The following CACNA1D variants were observed in gnomAD, a reference collection of about 807,000 sequenced individuals.
CACNA1D encodes the protein calcium voltage-gated channel subunit alpha1 D.
A neutral mutation model predicts 257.1 loss-of-function variants in CACNA1D; 55 were observed. That is an observed-to-expected ratio of 0.21 (90% confidence interval 0.17 to 0.27). The LOEUF is 0.27. Among genes scored for constraint, CACNA1D ranks in the 10% least tolerant of loss-of-function variants. The pLI, the probability that CACNA1D is intolerant of heterozygous loss-of-function variation, is 1.00. For synonymous variants in CACNA1D, 980 were observed against 1,014.9 expected, an observed-to-expected ratio of 0.97 and a Z score of 0.65; for missense variants, 1,876 against 2,784.0, an observed-to-expected ratio of 0.67 and a Z score of 7.34.
chr3:53,684,067 T>G lies in CACNA1D; in HGVS notation c.1220+10941T>G, dbSNP rs142487687. 2.0e-3 allele frequency among the ~76,000 whole-genome samples: 305 copies of G among 152,082 alleles called. 1 individual carries two copies. Among genetic ancestry groups the G allele is most frequent in the African/African-American group, 7.1e-3 (293 of 41,488 alleles). On this transcript the variant is annotated intron_variant, in intron 8 of 47. Transcript: ENST00000350061. ...GGGCACATTACATACTAGGAGAAAA[T>G]AATAAGAATATGCATTTACTTGTTT... is the stretch of plus-strand genomic sequence containing the variant.
At chr3:53,514,923 G>A (rs1383802164) in intron 3 of CACNA1D, among the ~76,000 whole-genome samples, 1 of 152,192 alleles carries the variant, frequency 6.6e-6, no homozygotes, top group Non-Finnish European at 1.5e-5. Flanking sequence ...AGACTTTAGT[G>A]GTCATAGAGG....
chr3:53,533,185 G>C (rs1441688164), intron 3 of CACNA1D, among the ~76,000 whole-genome samples: 2 of 152,130 alleles, frequency 1.3e-5, no homozygotes, highest in East Asian at 3.8e-4. Context: ...TTTATTGCTT[G>C]ATTATAGTTG....
At chr3:53,536,416 T>TAAC (rs532315198) in intron 3 of CACNA1D, among the ~76,000 whole-genome samples, 130 of 152,328 alleles carry the variant, frequency 8.5e-4, no homozygotes, top group African/African-American at 2.9e-3. Context: ...ACAGCCTTGT[T>TAAC]AACATATGGT....
rs961405395 is a variant in CACNA1D, at chr3:53,722,521, G to A, written c.1666+47G>A. The A allele has an allele frequency of 8.2e-6, 13 of 1,588,430 alleles. No individual in the cohort carries two copies. In the African/African-American group the frequency reaches 1.5e-4, roughly 18 times the overall value. ...TTTTTGTTCTGAACTAGAGATTTCTGTGGCTGTCCAACTGCCATTTGGTCT... is the reference window on the plus strand; with the variant it reads ...TTTTTGTTCTGAACTAGAGATTTCTATGGCTGTCCAACTGCCATTTGGTCT... On this transcript the variant is annotated intron_variant, in intron 12 of 47. Transcript: ENST00000350061.
At chr3:53,689,668 A>G (rs905988711) in intron 8 of CACNA1D, among the ~76,000 whole-genome samples, 1 of 151,954 alleles carries the variant, frequency 6.6e-6, no homozygotes, top group Non-Finnish European at 1.5e-5. Flanking sequence ...TTTTAAAAAT[A>G]TTTTTTATAG....
At chr3:53,732,709 T>C (rs773028104) in intron 18 of CACNA1D, 106 bp from the exon 19 acceptor site, 18 of 980,522 alleles carry the variant, frequency 1.8e-5, no homozygotes, top group Admixed American at 3.4e-5. Flanking sequence ...TGTAAGCAGG[T>C]AGATGTTGTT....
intron 3 of CACNA1D, among the ~76,000 whole-genome samples, chr3:53,548,697 G>A (rs1387409459): frequency 6.6e-6 from 1 of 152,096 alleles, no homozygotes; most frequent in Non-Finnish European, 1.5e-5. Flanking sequence ...TGATTTGTGT[G>A]TTAAGAAACA....
intron 3 of CACNA1D, among the ~76,000 whole-genome samples, chr3:53,513,390 CT>C (rs1221599573): frequency 6.6e-6 from 1 of 152,130 alleles, no homozygotes; most frequent in Admixed American, 6.5e-5. Flanking sequence ...ACCTGTAATC[CT>C]AGCACTTTGG....
intron 3 of CACNA1D, among the ~76,000 whole-genome samples, chr3:53,645,510 G>A (rs151269908): frequency 2.0e-5 from 3 of 152,142 alleles, no homozygotes; most frequent in African/African-American, 7.2e-5. Context: ...GTGAGAGAAG[G>A]GTCTGATTTC....
intron 9 of CACNA1D, among the ~76,000 whole-genome samples, chr3:53,704,615 C>T (rs1222996545): frequency 1.3e-5 from 2 of 152,234 alleles, no homozygotes; most frequent in East Asian, 3.8e-4. Context: ...GCTTCTGCAC[C>T]TGCAGTATGG....
chr3:53,513,150 AGCTGACATTG>A (rs2091189563), intron 3 of CACNA1D, among the ~76,000 whole-genome samples: 1 of 152,178 alleles, frequency 6.6e-6, no homozygotes, highest in East Asian at 1.9e-4. Context: ...CTTTGTTACT[AGCTGACATTG>A]GCTGACATTG....
intron 32 of CACNA1D, among the ~76,000 whole-genome samples, chr3:53,770,904 C>T (rs1013344909): frequency 2.0e-5 from 3 of 152,184 alleles, no homozygotes; most frequent in African/African-American, 7.2e-5. Flanking sequence ...AGCCCAACAG[C>T]CTCTCTCTGA....
intron 7 of CACNA1D, among the ~76,000 whole-genome samples, chr3:53,669,205 G>A (rs1384504265): frequency 6.6e-6 from 1 of 152,282 alleles, no homozygotes; most frequent in African/African-American, 2.4e-5. Context: ...CAGGGGCCAA[G>A]GAACCAAGCC....
In CACNA1D at chr3:53,803,651, C is replaced by T. The variant is rs114106261; in HGVS notation, c.5585+79C>T. The T allele has an allele frequency of 7.8e-4, 1,132 of 1,445,324 alleles. 8 individuals are homozygous for T. The African/African-American group carries it at 0.012, about 16-fold the overall frequency. 89.5% of individuals were successfully genotyped at this position (1,445,324 alleles called of 1,614,324 possible). A position where few individuals can be genotyped will look rare whatever the true frequency, so the allele number is the denominator to read the frequency against. On this transcript the variant is annotated intron_variant, in intron 44 of 47. Transcript: ENST00000350061. ...GGCCCACTCCGGAAGCCAGGGCCACCGGCAGCTGCACTTGGGCTTCCCCTA... is the reference window on the plus strand; with the variant it reads ...GGCCCACTCCGGAAGCCAGGGCCACTGGCAGCTGCACTTGGGCTTCCCCTA...
intron 3 of CACNA1D, among the ~76,000 whole-genome samples, chr3:53,601,798 C>T (rs374935899): frequency 3.9e-5 from 6 of 152,204 alleles, no homozygotes; most frequent in African/African-American, 1.2e-4. Context: ...GCAACCTCCA[C>T]CTCCTGGGTC....
intron 3 of CACNA1D, among the ~76,000 whole-genome samples, chr3:53,523,260 A>G (rs572783247): frequency 6.6e-6 from 1 of 152,340 alleles, no homozygotes; most frequent in African/African-American, 2.4e-5. Flanking sequence ...TGCCCTGTGT[A>G]GAGGTTTCCT....
chr3:53,687,541 G>T (rs2108500903), intron 8 of CACNA1D, among the ~76,000 whole-genome samples: 1 of 150,958 alleles, frequency 6.6e-6, no homozygotes, highest in South Asian at 2.1e-4. Flanking sequence ...ATAAGCTGGA[G>T]AAACTGGGTA....
rs1448095030 is a variant in CACNA1D, at chr3:53,774,307, T to C, written c.4111-280T>C. 4.6e-6 allele frequency: 2 copies of C among 435,816 alleles called. No homozygotes were observed. Among genetic ancestry groups the C allele is most frequent in the South Asian group, 2.1e-5 (1 of 46,678 alleles). The allele number at this position is 435,816 out of a possible 1,614,324, so 27.0% of individuals were successfully genotyped here. A position where few individuals can be genotyped will look rare whatever the true frequency, so the allele number is the denominator to read the frequency against. The stretch of plus-strand genomic sequence containing the variant: ...GTGTGTCTGGACCACCCCAGCATCA[T>C]CACTGGGGTTTGATGTTGCCTGGCT... On this transcript the variant is annotated intron_variant, in intron 33 of 47. Transcript: ENST00000350061. This position sits in a 1 kb window ranked among gnomAD's most constrained non-coding sequence, Gnocchi z 4.3.
intron 8 of CACNA1D, among the ~76,000 whole-genome samples, chr3:53,692,913 C>A (rs1341931916): frequency 2.0e-5 from 3 of 152,128 alleles, no homozygotes; most frequent in Non-Finnish European, 4.4e-5. Context: ...AAAAAATTAG[C>A]TGGACATGGT....
Sources: gnomAD v4.1 joint callset for allele counts (sites outside exome capture counted in the v4.1 genomes callset) on GRCh38, gnomAD v4.1.1 for gene constraint, Gnocchi (gnomAD v3.1) non-coding constraint, MANE v1.5 for transcripts, NCBI Gene and HGNC (gene_info 2026-07-23, HGNC 2026-07-21) for gene names.